RPTOR: variants seen among roughly 807,000 people sequenced by gnomAD.
RPTOR encodes regulatory associated protein of MTOR complex 1.
A neutral mutation model predicts 169.9 loss-of-function variants in RPTOR; 21 were observed. The observed-to-expected ratio is 0.12, with a 90% CI of 0.09 to 0.18. The LOEUF (loss-of-function observed/expected upper bound fraction) is 0.18. Among genes scored for constraint, RPTOR ranks in the 10% least tolerant of loss-of-function variants. RPTOR has a pLI of 1.00. For synonymous variants in RPTOR, 732 were observed against 753.2 expected, an observed-to-expected ratio of 0.97 and a Z score of 0.46; for missense variants, 1,133 against 1,855.9, an observed-to-expected ratio of 0.61 and a Z score of 7.16.
At chr17:80,812,031 C>T (rs2067279142) in intron 7 of RPTOR, among the ~76,000 whole-genome samples, 2 of 152,222 alleles carry the variant, frequency 1.3e-5, no homozygotes, top group Non-Finnish European at 2.9e-5. Context: ...ACAGCCACAC[C>T]CTCTCGAACA....
At chr17:80,822,568 C>T (rs148495899) in intron 8 of RPTOR, among the ~76,000 whole-genome samples, 33 of 152,320 alleles carry the variant, frequency 2.2e-4, no homozygotes, top group Admixed American at 1.8e-3. Flanking sequence ...TACTGCGCAC[C>T]GGCGGCTTAT....
chr17:80,635,641 C>T (rs2065500230), intron 2 of RPTOR, among the ~76,000 whole-genome samples: 1 of 152,080 alleles, frequency 6.6e-6, no homozygotes, highest in East Asian at 1.9e-4. Flanking sequence ...GCGCCTAGTA[C>T]GAACTAGACC....
intron 1 of RPTOR, among the ~76,000 whole-genome samples, chr17:80,579,477 C>T (rs2064996122): frequency 1.3e-5 from 2 of 152,198 alleles, no homozygotes; most frequent in Admixed American, 1.3e-4. Context: ...TAGGCGTGAG[C>T]CACCATGCCC....
At chr17:80,737,600 C>T (rs557908734) in intron 5 of RPTOR, among the ~76,000 whole-genome samples, 69 of 152,282 alleles carry the variant, frequency 4.5e-4, no homozygotes, top group African/African-American at 1.6e-3. Flanking sequence ...CCCTTCTCTG[C>T]ATGTGCTCTG....
intron 1 of RPTOR, among the ~76,000 whole-genome samples, chr17:80,574,584 T>C (rs1185940293): frequency 6.6e-6 from 1 of 152,184 alleles, no homozygotes; most frequent in Admixed American, 6.5e-5. Flanking sequence ...TCTTGTGATC[T>C]TTTTAAAGTC....
At chr17:80,773,886 C>G (rs902649802) in intron 6 of RPTOR, 1 of 985,354 alleles carries the variant, frequency 1.0e-6, no homozygotes, top group Non-Finnish European at 1.2e-6. Flanking sequence ...AGACGTCGAC[C>G]GCTTCTGATT....
intron 3 of RPTOR, among the ~76,000 whole-genome samples, chr17:80,669,683 C>G (rs1480091440): frequency 6.6e-6 from 1 of 152,236 alleles, no homozygotes; most frequent in East Asian, 1.9e-4. Context: ...GCGCCCGGCC[C>G]AGTAGTTCAC....
chr17:80,781,615 GT>G (rs1225844887), intron 6 of RPTOR, among the ~76,000 whole-genome samples: 1 of 152,246 alleles, frequency 6.6e-6, no homozygotes, highest in Non-Finnish European at 1.5e-5. Context: ...ACGTTTGGCA[GT>G]TTCTTCAAGA....
chr17:80,713,902 T>C (rs1342185633), intron 4 of RPTOR, among the ~76,000 whole-genome samples: 1 of 152,184 alleles, frequency 6.6e-6, no homozygotes, highest in Non-Finnish European at 1.5e-5. Context: ...ATTGATAGAT[T>C]AAACTGATAG....
chr17:80,575,711 G>A (rs778487038), intron 1 of RPTOR, among the ~76,000 whole-genome samples: 3 of 152,152 alleles, frequency 2.0e-5, no homozygotes, highest in East Asian at 1.9e-4. Context: ...CCTTTTATAC[G>A]TGTCCATTAA....
chr17:80,872,345 T>C (rs2068060638), intron 13 of RPTOR, among the ~76,000 whole-genome samples: 1 of 152,144 alleles, frequency 6.6e-6, no homozygotes, highest in South Asian at 2.1e-4. Flanking sequence ...TGGGTTTTAC[T>C]CCGGGCAGAT....
chr17:80,846,025 C>T (rs923417139), intron 10 of RPTOR, among the ~76,000 whole-genome samples: 1 of 152,234 alleles, frequency 6.6e-6, no homozygotes, highest in Admixed American at 6.5e-5. Context: ...GGCCCCTTTC[C>T]TTTCTCACTT....
In RPTOR at chr17:80,682,873, T is replaced by C. The variant is rs2065909011; in HGVS notation, c.349-24968T>C. ...GTGCAGTGGTGTGATCCATCATAGCTCACTGCAGCCTTGAACTCCTGGGCT... is the reference window on the plus strand; with the variant it reads ...GTGCAGTGGTGTGATCCATCATAGCCCACTGCAGCCTTGAACTCCTGGGCT... On this transcript the variant is annotated intron_variant, in intron 3 of 33. Transcript: ENST00000306801. Among the ~76,000 whole-genome samples the C allele has an allele frequency of 2.0e-5, 3 of 152,214 alleles. No individual in the cohort carries two copies. In the South Asian group the frequency reaches 6.2e-4, roughly 32 times the overall value.
intron 6 of RPTOR, among the ~76,000 whole-genome samples, chr17:80,785,671 G>A (rs370750913): frequency 1.3e-5 from 2 of 151,710 alleles, no homozygotes; most frequent in South Asian, 2.1e-4. Flanking sequence ...TTTGTGGCCC[G>A]AGTGCTTTCC....
chr17:80,624,882 T>C lies in RPTOR; in HGVS notation c.163-809T>C, dbSNP rs151175505. On this transcript the variant is annotated intron_variant, in intron 1 of 33. Transcript: ENST00000306801. ...TCTCTAGCCCACTGAGGAGCATCCA[T>C]GGGCCGGAGCTCTGCCGGGAGGAAA... is the stretch of plus-strand genomic sequence containing the variant. Among the ~76,000 whole-genome samples the C allele has an allele frequency of 3.4e-3, 522 of 152,286 alleles. 1 individual carries two copies. The highest frequency in any genetic ancestry group is 0.012 in the African/African-American group (506 of 41,556).
chr17:80,670,129 G>A (rs1347881179), intron 3 of RPTOR, among the ~76,000 whole-genome samples: 3 of 152,198 alleles, frequency 2.0e-5, no homozygotes, highest in Non-Finnish European at 2.9e-5. Context: ...CAGTGAAATC[G>A]ACTGCAGACC....
chr17:80,590,139 A>G (rs541563387), intron 1 of RPTOR, among the ~76,000 whole-genome samples: 25 of 152,284 alleles, frequency 1.6e-4, no homozygotes, highest in Non-Finnish European at 3.5e-4. Flanking sequence ...CAAGATGATC[A>G]TATGCTTTTT....
chr17:80,608,377 A>G (rs1461148823), intron 1 of RPTOR, among the ~76,000 whole-genome samples: 3 of 152,176 alleles, frequency 2.0e-5, no homozygotes, highest in African/African-American at 7.2e-5. Flanking sequence ...CTATGAGTGC[A>G]TGGAAAACTT....
intron 11 of RPTOR, among the ~76,000 whole-genome samples, chr17:80,847,815 G>T (rs902841056): frequency 2.0e-5 from 3 of 152,206 alleles, no homozygotes; most frequent in Admixed American, 6.5e-5. Context: ...GTGCTTTCTG[G>T]TTAGGGCCGC....
Sources: allele counts gnomAD v4.1 joint callset (sites outside exome capture counted in the v4.1 genomes callset), GRCh38; gene constraint gnomAD v4.1.1; transcripts MANE v1.5; gene names NCBI Gene and HGNC (gene_info 2026-07-23, HGNC 2026-07-21).